The following TECRL variants were observed in gnomAD, a reference collection of about 807,000 sequenced individuals.
TECRL encodes the protein trans-2,3-enoyl-CoA reductase like, also known as trans-2,3-enoyl-CoA reductase-like.
TECRL carries 63 observed loss-of-function variants against 52.8 expected under a neutral mutation model. The ratio of observed to expected loss-of-function variants is 1.19; its 90% CI spans 0.97 to 1.47. The LOEUF (loss-of-function observed/expected upper bound fraction) is 1.47, where lower values mean the gene tolerates loss of function less well. TECRL is among the 40% of genes most tolerant of loss of function. TECRL has a pLI of 0.00. For synonymous variants in TECRL, 164 were observed against 141.9 expected, an observed-to-expected ratio of 1.16 and a Z score of -1.10; for missense variants, 482 against 429.6, an observed-to-expected ratio of 1.12 and a Z score of -1.08.
intron 7 of TECRL, among the ~76,000 whole-genome samples, chr4:64,300,761 T>C (rs751918448): frequency 9.9e-5 from 15 of 151,070 alleles, no homozygotes; most frequent in Non-Finnish European, 2.1e-4. Flanking sequence ...TTATCCCTTA[T>C]TTTAAAATGT....
intron 1 of TECRL, among the ~76,000 whole-genome samples, chr4:64,396,834 G>A (rs533169760): frequency 3.9e-5 from 6 of 152,026 alleles, no homozygotes; most frequent in Non-Finnish European, 8.8e-5. Flanking sequence ...TTTTGTATAT[G>A]GCGACAGGAA....
chr4:64,313,627 A>C (rs1299349611), intron 5 of TECRL, among the ~76,000 whole-genome samples: 1 of 149,228 alleles, frequency 6.7e-6, no homozygotes, highest in African/African-American at 2.5e-5. Flanking sequence ...GACTACAGGC[A>C]CCCGCCACCA....
intron 9 of TECRL, among the ~76,000 whole-genome samples, chr4:64,287,011 T>C (rs1476073692): frequency 6.6e-6 from 1 of 152,138 alleles, no homozygotes; most frequent in Non-Finnish European, 1.5e-5. Flanking sequence ...TCACTTGTGA[T>C]TCACATGCAT....
intron 9 of TECRL, among the ~76,000 whole-genome samples, chr4:64,287,625 A>G (rs565537924): frequency 3.9e-5 from 6 of 152,162 alleles, no homozygotes; most frequent in Non-Finnish European, 8.8e-5. Flanking sequence ...TCAAATATAC[A>G]GGTGAGTATA....
chr4:64,327,136 G>T (rs1274448226), intron 3 of TECRL, among the ~76,000 whole-genome samples: 1 of 151,998 alleles, frequency 6.6e-6, no homozygotes, highest in Non-Finnish European at 1.5e-5. Flanking sequence ...GTAGAAATCT[G>T]AATCAATCCA....
chr4:64,322,793 C>T lies in TECRL; in HGVS notation c.332-1G>A, dbSNP rs1159012056. ...ATGTAGTCCTTCAAAAAAGGCCCGC[C>T]TAAAATAAAAATAACAAGAAAATTT... is the stretch of plus-strand genomic sequence containing the variant. On this transcript the variant is annotated splice_acceptor_variant, in intron 3 of 11. Transcript: ENST00000381210. LOFTEE classifies it high-confidence loss of function. 2 of 1,587,296 alleles carry T rather than the reference C, an allele frequency of 1.3e-6. No individual in the cohort carries two copies. The highest frequency in any genetic ancestry group is 1.7e-4 in the Middle Eastern group (1 of 5,928).
At chr4:64,285,270 C>T (rs1723024102) in intron 9 of TECRL, among the ~76,000 whole-genome samples, 1 of 152,090 alleles carries the variant, frequency 6.6e-6, no homozygotes, top group Admixed American at 6.6e-5. Flanking sequence ...ACTCTTGACA[C>T]CTCTACAGGG....
chr4:64,312,841 T>C (rs568755302), intron 5 of TECRL, among the ~76,000 whole-genome samples: 1 of 152,246 alleles, frequency 6.6e-6, no homozygotes, highest in Non-Finnish European at 1.5e-5. Flanking sequence ...CATGCTCTGC[T>C]ACGTATCTGG....
At chr4:64,359,198 G>A (rs1720997990) in intron 2 of TECRL, among the ~76,000 whole-genome samples, 1 of 151,792 alleles carries the variant, frequency 6.6e-6, no homozygotes, top group African/African-American at 2.4e-5. Context: ...GAAAGAAAAA[G>A]TATGTGTGCT....
intron 5 of TECRL, among the ~76,000 whole-genome samples, chr4:64,311,047 G>A (rs560487347): frequency 6.6e-6 from 1 of 152,242 alleles, no homozygotes; most frequent in South Asian, 2.1e-4. Flanking sequence ...AGTAAAGGTT[G>A]AGCATAAAAA....
At chr4:64,365,450 T>A (rs1483978270) in intron 2 of TECRL, among the ~76,000 whole-genome samples, 1 of 152,042 alleles carries the variant, frequency 6.6e-6, no homozygotes, top group Non-Finnish European at 1.5e-5. Flanking sequence ...CTATCTCTCT[T>A]CATAGAGGAT....
intron 8 of TECRL, among the ~76,000 whole-genome samples, chr4:64,293,566 C>T (rs930965736): frequency 2.6e-5 from 4 of 152,042 alleles, no homozygotes; most frequent in African/African-American, 7.2e-5. Context: ...GTCAGTAACC[C>T]GCTGTCATTG....
chr4:64,299,531 G>T (rs1276605934), intron 8 of TECRL, among the ~76,000 whole-genome samples: 1 of 150,984 alleles, frequency 6.6e-6, no homozygotes, highest in Non-Finnish European at 1.5e-5. Context: ...ACAATCTAAA[G>T]AAATTGAATG....
chr4:64,398,824 A>C (rs937559352), intron 1 of TECRL, among the ~76,000 whole-genome samples: 2 of 152,100 alleles, frequency 1.3e-5, no homozygotes, highest in Non-Finnish European at 2.9e-5. Context: ...AGACTGATTA[A>C]ATGATTGGGA....
chr4:64,298,503 C>G (rs575943022), intron 8 of TECRL, among the ~76,000 whole-genome samples: 7 of 151,116 alleles, frequency 4.6e-5, no homozygotes, highest in African/African-American at 1.7e-4. Context: ...AATATTATAA[C>G]ATATTTATAG....
At chr4:64,318,742 G>A (rs1229259823) in intron 4 of TECRL, among the ~76,000 whole-genome samples, 1 of 151,858 alleles carries the variant, frequency 6.6e-6, no homozygotes, top group African/African-American at 2.4e-5. Flanking sequence ...AACAATAAAA[G>A]TTAATAAGGA....
chr4:64,380,878 G>C (rs908093919), intron 1 of TECRL, among the ~76,000 whole-genome samples: 4 of 151,942 alleles, frequency 2.6e-5, no homozygotes, highest in African/African-American at 9.7e-5. Context: ...GTCTATACAC[G>C]GTCTTTTGTG....
rs1311053325 is a variant in TECRL, at chr4:64,304,963, G to A, written c.730+203C>T. ...TTACAACCTACTAATATTTTTGGTG[G>A]TTCGTGTAGAAACAAAATAAATAAA... On this transcript the variant is annotated intron_variant, in intron 7 of 11. Coordinates refer to ENST00000381210, the MANE Select transcript of TECRL (RefSeq NM_001010874.5). The A allele has an allele frequency of 1.1e-5, 4 of 363,378 alleles. No individual in the cohort carries two copies. The Admixed American group carries it at 1.7e-4, about 16-fold the overall frequency. 22.5% of individuals were successfully genotyped at this position (363,378 alleles called of 1,614,324 possible).
chr4:64,311,849 T>C (rs542620161), intron 5 of TECRL, among the ~76,000 whole-genome samples: 1 of 152,196 alleles, frequency 6.6e-6, no homozygotes. Context: ...AACCAAAGTA[T>C]TGATAAAATC....
Sources: gnomAD v4.1 joint callset for allele counts (sites outside exome capture counted in the v4.1 genomes callset) on GRCh38, gnomAD v4.1.1 for gene constraint, MANE v1.5 for transcripts, NCBI Gene and HGNC (gene_info 2026-07-23, HGNC 2026-07-21) for gene names.